The following FMNL1 variants were observed in gnomAD, a reference collection of about 807,000 sequenced individuals.
FMNL1 encodes formin like 1.
In FMNL1, 43 loss-of-function variants were observed where a neutral mutation model predicts 121.3. The ratio of observed to expected loss-of-function variants is 0.35; its 90% CI spans 0.28 to 0.46. FMNL1 has a LOEUF of 0.46. FMNL1 is among the 20% of genes least tolerant of loss of function. The pLI is 1.00. For synonymous variants in FMNL1, 613 were observed against 613.5 expected, an observed-to-expected ratio of 1.00 and a Z score of 0.01; for missense variants, 1,191 against 1,482.4, an observed-to-expected ratio of 0.80 and a Z score of 3.23.
At chr17:45,239,201 T>C in intron 11 of FMNL1, 136 bp downstream of exon 11, 1 of 676,056 alleles carries the variant, frequency 1.5e-6, no homozygotes, top group South Asian at 1.7e-5. Flanking sequence ...CGTGTGACCT[T>C]GGATAGGCCT....
chr17:45,228,977 CGA>C (rs2043385056), intron 1 of FMNL1, among the ~76,000 whole-genome samples: 2 of 152,164 alleles, frequency 1.3e-5, no homozygotes, highest in Admixed American at 1.3e-4. Context: ...GAGACATCAT[CGA>C]GAGAGACAGA....
At chr17:45,223,744 T>G (rs992563453) in intron 1 of FMNL1, among the ~76,000 whole-genome samples, 1 of 152,044 alleles carries the variant, frequency 6.6e-6, no homozygotes, top group Non-Finnish European at 1.5e-5. Flanking sequence ...GCCAACCTGG[T>G]TGGAGGGACA....
intron 17 of FMNL1, 109 bp downstream of exon 17, chr17:45,243,429 T>C: frequency 7.7e-7 from 1 of 1,298,528 alleles, no homozygotes; most frequent in Non-Finnish European, 1.1e-6. Flanking sequence ...TTCATCAGGC[T>C]TCATACCAAC....
chr17:45,238,651 G>A lies in FMNL1; in HGVS notation c.969+13G>A, dbSNP rs147856690. On this transcript the variant is annotated intron_variant, in intron 10 of 26. Coordinates refer to ENST00000331495, the MANE Select transcript of FMNL1 (RefSeq NM_005892.4). Reference sequence around the variant, plus strand: ...CATCGACTTCATGGTGAGCTCAGGAGCCCAGCAGCCTGAGGCCTGGGCCAG... The same window carrying A: ...CATCGACTTCATGGTGAGCTCAGGAACCCAGCAGCCTGAGGCCTGGGCCAG... The A allele has an allele frequency of 1.2e-6, 2 of 1,614,062 alleles. No homozygotes were observed. The highest frequency in any genetic ancestry group is 2.2e-5 in the East Asian group (1 of 44,890).
At chr17:45,230,050 G>T (rs2043406800) in intron 1 of FMNL1, among the ~76,000 whole-genome samples, 1 of 152,192 alleles carries the variant, frequency 6.6e-6, no homozygotes, top group Non-Finnish European at 1.5e-5. Flanking sequence ...TGAGGAGAAG[G>T]CTGCTGTCCA....
chr17:45,224,382 A>C (rs1777949115), intron 1 of FMNL1, among the ~76,000 whole-genome samples: 1 of 151,890 alleles, frequency 6.6e-6, no homozygotes, highest in Non-Finnish European at 1.5e-5. Flanking sequence ...GTGAACCCCC[A>C]CCCGAACCAC....
chr17:45,246,717 G>C, intron 26 of FMNL1, 113 bp downstream of exon 26: 1 of 1,111,112 alleles, frequency 9.0e-7, no homozygotes, highest in Non-Finnish European at 1.3e-6. Context: ...GATGTGATTT[G>C]TGGGGTGGAG....
At chr17:45,238,453 T>C in intron 9 of FMNL1, 111 bp from the exon 10 acceptor site, 1 of 1,112,010 alleles carries the variant, frequency 9.0e-7, no homozygotes, top group Non-Finnish European at 1.3e-6. Context: ...GTGACGTGGC[T>C]CAACTTAGAA....
rs1422624335 is a variant in FMNL1, at chr17:45,243,895, G to A, written c.2318G>A (p.Arg773Gln). The change falls in exon 18 of 27, where the codon CGG (arginine) becomes CAG (glutamine). Residue 773 changes from arginine (R) to glutamine (Q), a missense_variant. This residue lies in a region of FMNL1 where 367 missense variants were observed against 528.6 expected (regional missense o/e 0.69). Coordinates refer to ENST00000331495, the MANE Select transcript of FMNL1 (RefSeq NM_005892.4). Reference protein sequence around the residue: ...SLITRFEREQRPMEELSEEDR... With the variant: ...SLITRFEREQQPMEELSEEDR... The stretch of plus-strand genomic sequence containing the variant: ...ATCACCCGCTTTGAGCGGGAGCAGC[G>A]GCCAATGGAGGAGCTGTCAGAGGAG... The A allele has an allele frequency of 2.5e-6, 4 of 1,613,902 alleles. No homozygotes were observed. Among genetic ancestry groups the A allele is most frequent in the African/African-American group, 1.3e-5 (1 of 75,068 alleles).
At chr17:45,245,144 G>A (rs369323163) in intron 21 of FMNL1, 36 bp downstream of exon 21, 11 of 1,611,044 alleles carry the variant, frequency 6.8e-6, no homozygotes, top group African/African-American at 6.7e-5. Flanking sequence ...GTGGGGAGGG[G>A]CCGTGGGCTG....
intron 10 of FMNL1, 147 bp from the exon 11 acceptor site, chr17:45,238,808 G>A (rs2043613634): frequency 9.3e-7 from 1 of 1,070,816 alleles, no homozygotes; most frequent in East Asian, 2.5e-5. Context: ...GAGGGAACAT[G>A]GAGGTGAAAT....
chr17:45,228,473 C>T (rs2043373972), intron 1 of FMNL1, among the ~76,000 whole-genome samples: 1 of 152,248 alleles, frequency 6.6e-6, no homozygotes, highest in African/African-American at 2.4e-5. Context: ...GGCTCAAAGC[C>T]AGCCCAGCTC....
chr17:45,245,963 C>T lies in FMNL1; in HGVS notation c.3080C>T (p.Pro1027Leu), dbSNP rs767275037. The T allele has an allele frequency of 1.3e-6, 2 of 1,564,072 alleles. No homozygotes were observed. Among genetic ancestry groups the T allele is most frequent in the South Asian group, 1.2e-5 (1 of 84,128 alleles). Residue 1027 changes from proline to leucine, a missense_variant, in exon 24 of 27, where the codon CCA becomes CTA. By Grantham distance (98) the Pro-to-Leu change is moderately conservative. This residue lies in a region of FMNL1 where 367 missense variants were observed against 528.6 expected (regional missense o/e 0.69). Coordinates refer to ENST00000331495, the MANE Select transcript of FMNL1 (RefSeq NM_005892.4). The stretch of plus-strand genomic sequence containing the variant: ...GATACCCCGGGCAAAGGGGAGCCCC[C>T]AGCACCCAAGGTAGGCAACTGCTCC... ...GADTPGKGEP[P>L]APKSPPKARR...
In FMNL1 at chr17:45,233,832, C is replaced by A; in HGVS notation, c.485+101C>A. 1 of 1,477,990 alleles carries A rather than the reference C, an allele frequency of 6.8e-7. No individual in the cohort carries two copies. Among genetic ancestry groups the A allele is most frequent in the South Asian group, 1.2e-5 (1 of 81,752 alleles). The allele number at this position is 1,477,990 out of a possible 1,614,324, so 91.6% of individuals were successfully genotyped here. A position where few individuals can be genotyped will look rare whatever the true frequency, so the allele number is the denominator to read the frequency against. On this transcript the variant is annotated intron_variant, in intron 5 of 26. Transcript: ENST00000331495. The surrounding 1 kb of genome is among the most constrained non-coding windows in gnomAD (Gnocchi z 4.1). ...CCTGGCCAGTTTCAAGCCAGGCAGC[C>A]CGAGCCTACCCTGGAACCCTCCACT...
At chr17:45,245,547 A>G (rs951279501) in intron 22 of FMNL1, 85 bp from the exon 23 acceptor site, 18 of 1,601,700 alleles carry the variant, frequency 1.1e-5, no homozygotes, top group Non-Finnish European at 1.4e-5. Context: ...CCTGCCTGGG[A>G]GGAGCTCAGA....
Position 45,231,512 on chromosome 17 carries a change from G to C in FMNL1, c.213+825G>C, listed in dbSNP as rs2043437222. 1 of 152,568 alleles carries C rather than the reference G, an allele frequency of 6.6e-6. No individual in the cohort carries two copies. The highest frequency in any genetic ancestry group is 2.1e-4 in the South Asian group (1 of 4,856). 9.5% of individuals were successfully genotyped at this position (152,568 alleles called of 1,614,324 possible). A position where few individuals can be genotyped will look rare whatever the true frequency, so the allele number is the denominator to read the frequency against. On this transcript the variant is annotated intron_variant, in intron 2 of 26. Coordinates refer to ENST00000331495, the MANE Select transcript of FMNL1 (RefSeq NM_005892.4). This position sits in a 1 kb window ranked among gnomAD's most constrained non-coding sequence, Gnocchi z 4.7. The stretch of plus-strand genomic sequence containing the variant: ...CTCTGGTAGGGGTCCCCTTGGAGCA[G>C]CTCAGCCTGACATCTCAGAGGTTGG...
Position 45,241,680 on chromosome 17 carries a change from A to G in FMNL1, c.1585+46A>G, listed in dbSNP as rs973868050. On this transcript the variant is annotated intron_variant, in intron 14 of 26. Transcript: ENST00000331495. This position sits in a 1 kb window ranked among gnomAD's most constrained non-coding sequence, Gnocchi z 7.0. ...GGCGGGGATGCGGGGCAGGGTCTGG[A>G]GGGGAGCCCAGGGGCATCTGTGGCG... The G allele has an allele frequency of 1.4e-5, 20 of 1,452,204 alleles. No homozygotes were observed. The highest frequency in any genetic ancestry group is 5.4e-5 in the Admixed American group (2 of 37,238). 90.0% of individuals were successfully genotyped at this position (1,452,204 alleles called of 1,614,324 possible).
chr17:45,240,489 C>T lies in FMNL1; in HGVS notation c.1094C>T (p.Thr365Ile). Residue 365 changes from threonine (T) to isoleucine (I), a missense_variant, in exon 12 of 27, where the codon ACC (threonine) becomes ATC (isoleucine). Around this residue, in one of 4 missense-constraint regions of FMNL1, gnomAD observed 519 missense variants for 492.8 expected, o/e 1.05. Coordinates refer to ENST00000331495, the MANE Select transcript of FMNL1 (RefSeq NM_005892.4). The stretch of plus-strand genomic sequence containing the variant: ...TCTGGGGGACAGAGGCTTCGGCTCA[C>T]CGAGAGTGACAAGCTGCAGGTGCAG... Reference protein sequence around the residue: ...LDLYLERLRLTESDKLQVQIQ... With the variant: ...LDLYLERLRLIESDKLQVQIQ... The T allele has an allele frequency of 6.2e-7, 1 of 1,612,706 alleles. No homozygotes were observed. The highest frequency in any genetic ancestry group is 8.5e-7 in the Non-Finnish European group (1 of 1,179,242).
intron 1 of FMNL1, among the ~76,000 whole-genome samples, chr17:45,224,570 CT>C (rs1443546066): frequency 7.2e-5 from 11 of 152,174 alleles, no homozygotes; most frequent in African/African-American, 2.4e-4. Context: ...CCTTTTGTCC[CT>C]GGTGGGGCAT....
Sources: gnomAD v4.1 joint callset for allele counts (sites outside exome capture counted in the v4.1 genomes callset) on GRCh38, gnomAD v4.1.1 for gene constraint, gnomAD v4.1.1 regional missense constraint, Gnocchi (gnomAD v3.1) non-coding constraint, MANE v1.5 for transcripts, NCBI Gene and HGNC (gene_info 2026-07-23, HGNC 2026-07-21) for gene names.